Variants in RAB38 observed in about 807,000 individuals in gnomAD.
The protein encoded by RAB38 is ras-related protein Rab-38.
In RAB38, 15 loss-of-function variants were observed where a neutral mutation model predicts 18.4. That is an observed-to-expected ratio of 0.82 (90% CI 0.55 to 1.26). The LOEUF (loss-of-function observed/expected upper bound fraction) is 1.26. Among genes scored for constraint, RAB38 ranks in the 50% most tolerant of loss-of-function variants. The pLI, the probability that RAB38 is intolerant of heterozygous loss-of-function variation, is 0.00. For missense variants in RAB38, 294 were observed against 267.4 expected (o/e 1.10, Z -0.69); for synonymous variants, 101 against 104.4 (o/e 0.97, Z 0.20).
At chr11:88,045,788 C>T in the RAB38 span, among the ~76,000 whole-genome samples, 1 of 152,180 alleles carries the variant, frequency 6.6e-6, no homozygotes, top group Non-Finnish European at 1.5e-5. Flanking sequence ...ACATTACCTT[C>T]TTTTCAAGGG....
the RAB38 span, among the ~76,000 whole-genome samples, chr11:87,857,179 C>T: frequency 8.5e-5 from 13 of 152,146 alleles, no homozygotes; most frequent in African/African-American, 2.7e-4. Flanking sequence ...CATGTCCCTA[C>T]AAAGGACAGG....
chr11:88,148,769 A>ATT (rs1385317674), intron 2 of RAB38, among the ~76,000 whole-genome samples: 9 of 152,224 alleles, frequency 5.9e-5, no homozygotes, highest in Non-Finnish European at 1.2e-4. Flanking sequence ...ATATTTGAAT[A>ATT]AAAGTGGAAA....
the RAB38 span, among the ~76,000 whole-genome samples, chr11:87,824,596 C>T: frequency 1.3e-5 from 2 of 152,122 alleles, no homozygotes; most frequent in South Asian, 4.2e-4. Flanking sequence ...TCCAAAAAGA[C>T]ACTAAGAGAT....
the RAB38 span, among the ~76,000 whole-genome samples, chr11:88,091,179 G>T: frequency 6.6e-6 from 1 of 151,912 alleles, no homozygotes. Context: ...ACCCAATATT[G>T]GGAGCAGGGG....
the RAB38 span, among the ~76,000 whole-genome samples, chr11:87,806,969 C>CTGCACACCA: frequency 6.6e-6 from 1 of 152,168 alleles, no homozygotes; most frequent in South Asian, 2.1e-4. Context: ...AGGAACCAGG[C>CTGCACACCA]TGCACACCAG....
At chr11:87,939,339 A>G in the RAB38 span, among the ~76,000 whole-genome samples, 2 of 151,492 alleles carry the variant, frequency 1.3e-5, no homozygotes, top group East Asian at 3.9e-4. Context: ...ACCTTCAGGG[A>G]TCTGCAGCAA....
chr11:87,881,006 A>G, the RAB38 span, among the ~76,000 whole-genome samples: 2 of 151,870 alleles, frequency 1.3e-5, no homozygotes, highest in African/African-American at 2.4e-5. Context: ...TAGCAACAGG[A>G]TCTTGCTCTG....
At chr11:88,032,722 A>G in the RAB38 span, among the ~76,000 whole-genome samples, 1 of 152,180 alleles carries the variant, frequency 6.6e-6, no homozygotes, top group Non-Finnish European at 1.5e-5. Context: ...AAAAGTCAGG[A>G]AACAACAGGT....
At chr11:88,015,902 G>T in the RAB38 span, among the ~76,000 whole-genome samples, 1 of 152,162 alleles carries the variant, frequency 6.6e-6, no homozygotes, top group Non-Finnish European at 1.5e-5. Flanking sequence ...CTGGCCACTT[G>T]GGAGGTCTGG....
the RAB38 span, among the ~76,000 whole-genome samples, chr11:88,044,426 A>T: frequency 6.6e-6 from 1 of 151,310 alleles, no homozygotes. Flanking sequence ...TCCACCCTCC[A>T]TTCCTCCTTC....
In RAB38 at chr11:88,122,764, T is replaced by A. The variant is rs570481331; in HGVS notation, c.484-8624A>T. Among the ~76,000 whole-genome samples, 14 of 152,374 alleles carry A rather than the reference T, an allele frequency of 9.2e-5. 1 individual carries two copies. Among genetic ancestry groups the A allele is most frequent in the African/African-American group, 3.4e-4 (14 of 41,592 alleles). ...AGTGCTATCTATGGTAGAAATTACA[T>A]AAATTATGAGTTTCACAATTTATTT... On this transcript the variant is annotated intron_variant, in intron 2 of 2. Coordinates refer to ENST00000243662, the MANE Select transcript of RAB38 (RefSeq NM_022337.3).
chr11:88,115,251 T>TTAATG (rs3079614), intron 2 of RAB38, among the ~76,000 whole-genome samples: 34,322 of 151,898 alleles, frequency 0.23, 5,341 homozygotes, highest in African/African-American at 0.42. Flanking sequence ...TTCTTCATAC[T>TTAATG]TAAAGAGACA....
chr11:88,145,904 C>A (rs757995982), intron 2 of RAB38, among the ~76,000 whole-genome samples: 1 of 152,130 alleles, frequency 6.6e-6, no homozygotes, highest in Non-Finnish European at 1.5e-5. Flanking sequence ...AATTATACAT[C>A]ACCTAGAGAA....
chr11:88,093,542 T>C, the RAB38 span, among the ~76,000 whole-genome samples: 1 of 151,958 alleles, frequency 6.6e-6, no homozygotes, highest in African/African-American at 2.4e-5. Flanking sequence ...AGTCCTTTTG[T>C]TCATTGAAAT....
the RAB38 span, among the ~76,000 whole-genome samples, chr11:87,916,755 T>C: frequency 1.3e-5 from 2 of 152,200 alleles, no homozygotes; most frequent in Non-Finnish European, 2.9e-5. Flanking sequence ...TTGTAGGCAA[T>C]GTATAGTTGA....
chr11:87,856,648 G>T, the RAB38 span, among the ~76,000 whole-genome samples: 1 of 151,916 alleles, frequency 6.6e-6, no homozygotes, highest in Non-Finnish European at 1.5e-5. Flanking sequence ...TATCATCAAG[G>T]TGCCTTGGTC....
At chr11:88,019,764 C>T in the RAB38 span, among the ~76,000 whole-genome samples, 1 of 152,206 alleles carries the variant, frequency 6.6e-6, no homozygotes, top group Non-Finnish European at 1.5e-5. Context: ...ATTTATGACA[C>T]TCATTTTCAC....
the RAB38 span, among the ~76,000 whole-genome samples, chr11:87,818,754 A>T: frequency 6.6e-6 from 1 of 152,108 alleles, no homozygotes; most frequent in East Asian, 1.9e-4. Flanking sequence ...TTTTTGTAGG[A>T]ATGTTAAAAA....
downstream of RAB38, among the ~76,000 whole-genome samples, chr11:88,111,834 G>C (rs1273033789): frequency 6.6e-6 from 1 of 152,156 alleles, no homozygotes; most frequent in Non-Finnish European, 1.5e-5. Context: ...GGCTCTCCTG[G>C]AGAACACAAT....
Sources: gnomAD v4.1 joint callset for allele counts (sites outside exome capture counted in the v4.1 genomes callset) on GRCh38, gnomAD v4.1.1 for gene constraint, MANE v1.5 for transcripts, NCBI Gene and HGNC (gene_info 2026-07-23, HGNC 2026-07-21) for gene names.